SLC11A2: variants seen among roughly 807,000 people sequenced by gnomAD.
SLC11A2 encodes solute carrier family 11 member 2.
Under a neutral mutation model 68.0 loss-of-function variants are expected in SLC11A2, and 38 were observed. The observed-to-expected ratio is 0.56, with a 90% CI of 0.43 to 0.73. The LOEUF is 0.73. SLC11A2 is among the 30% of genes least tolerant of loss of function. The pLI, the probability that SLC11A2 is intolerant of heterozygous loss-of-function variation, is 0.00. For missense variants in SLC11A2, 517 were observed against 690.5 expected, an observed-to-expected ratio of 0.75 and a Z score of 2.82; for synonymous variants, 242 against 250.6, an observed-to-expected ratio of 0.97 and a Z score of 0.32.
At chr12:50,953,489 G>T in the SLC11A2 span, among the ~76,000 whole-genome samples, 2 of 152,214 alleles carry the variant, frequency 1.3e-5, no homozygotes, top group Admixed American at 1.3e-4. Context: ...CACACAGTAG[G>T]TGCTTGGTAA....
At chr12:51,008,784 A>G (rs866703883) in intron 2 of SLC11A2, among the ~76,000 whole-genome samples, 160 bp from the exon 3 acceptor site, 4 of 152,208 alleles carry the variant, frequency 2.6e-5, no homozygotes, top group African/African-American at 7.2e-5. Flanking sequence ...TTTAATGTAC[A>G]TTTTAGAATA....
At chr12:50,960,638 C>T in the SLC11A2 span, among the ~76,000 whole-genome samples, 1 of 152,132 alleles carries the variant, frequency 6.6e-6, no homozygotes, top group African/African-American at 2.4e-5. Flanking sequence ...TTTCATTTAA[C>T]TCTCTAAGCA....
chr12:50,957,937 G>GGTGTGT, the SLC11A2 span, among the ~76,000 whole-genome samples: 11,066 of 132,290 alleles, frequency 0.084, 589 homozygotes, highest in Non-Finnish European at 0.094. Context: ...ATGAATTGGA[G>GGTGTGT]GTGTGTGTGT....
intron 1 of SLC11A2, chr12:51,014,351 A>C (rs1423709098): frequency 6.6e-6 from 1 of 152,210 alleles, no homozygotes; most frequent in Non-Finnish European, 1.5e-5. Flanking sequence ...TTCATGATAA[A>C]ATTTTAAATA....
At chr12:50,990,735 G>C in intron 15 of SLC11A2, 60 bp downstream of exon 15, 3 of 1,568,156 alleles carry the variant, frequency 1.9e-6, no homozygotes, top group Non-Finnish European at 2.6e-6. Context: ...CTGAATGTCA[G>C]TGAACCCCAC....
intron 4 of SLC11A2, 78 bp downstream of exon 4, chr12:51,005,233 T>C (rs1942618739): frequency 3.4e-6 from 5 of 1,491,984 alleles, no homozygotes; most frequent in East Asian, 2.3e-5. Flanking sequence ...GAGGCTACTA[T>C]CCAACATGCA....
upstream of SLC11A2, among the ~76,000 whole-genome samples, chr12:51,027,810 A>T (rs553727003): frequency 2.0e-5 from 3 of 152,018 alleles, no homozygotes; most frequent in Non-Finnish European, 4.4e-5. Flanking sequence ...CTAGGAGAAA[A>T]TTTCATTAGT....
the SLC11A2 span, among the ~76,000 whole-genome samples, chr12:50,972,670 G>A: frequency 5.3e-5 from 8 of 152,250 alleles, no homozygotes; most frequent in East Asian, 5.8e-4. Flanking sequence ...AGAGCACCGA[G>A]CATGAGCCGA....
intron 1 of SLC11A2, among the ~76,000 whole-genome samples, chr12:51,021,142 A>C (rs1944016187): frequency 6.6e-6 from 1 of 152,182 alleles, no homozygotes; most frequent in African/African-American, 2.4e-5. Flanking sequence ...AGGTGATTTT[A>C]AGTACATGGG....
chr12:51,021,057 C>T (rs1248305053), intron 1 of SLC11A2, among the ~76,000 whole-genome samples: 3 of 152,254 alleles, frequency 2.0e-5, no homozygotes, highest in Non-Finnish European at 4.4e-5. Context: ...CACCACTACG[C>T]TCCAGGCTGG....
chr12:50,996,997 A>G, intron 8 of SLC11A2, 25 bp from the exon 9 acceptor site: 1 of 1,608,132 alleles, frequency 6.2e-7, no homozygotes, highest in Non-Finnish European at 8.5e-7. Context: ...AACAATGATT[A>G]GCCTTTACAG....
rs1231176434 is a variant in SLC11A2, at chr12:51,005,748, T to G, written c.184-312A>C. On this transcript the variant is annotated intron_variant, in intron 3 of 15. Transcript: ENST00000262052. ...CCCAAAAAGGACAAGAGCCACCATT[T>G]TAAAAAGGAAACAAGCCAGGTGTGG... is the stretch of plus-strand genomic sequence containing the variant. The G allele has an allele frequency of 4.0e-6, 5 of 1,252,774 alleles. No individual in the cohort carries two copies. In the African/African-American group the frequency reaches 7.7e-5, roughly 19 times the overall value. The allele number at this position is 1,252,774 out of a possible 1,614,324, so 77.6% of individuals were successfully genotyped here.
rs373667895 is a variant in SLC11A2, at chr12:50,999,157, T to C, written c.675+17A>G. On this transcript the variant is annotated intron_variant, in intron 8 of 15. Coordinates refer to ENST00000262052, the MANE Select transcript of SLC11A2 (RefSeq NM_000617.3). ...AAACTTATTTTAAGAAGCTAATGAA[T>C]ATCCTGTACCACTTGCCTCATATCC... 1.3e-6 allele frequency: 2 copies of C among 1,581,252 alleles called. No homozygotes were observed. The highest frequency in any genetic ancestry group is 1.1e-5 in the South Asian group (1 of 90,014).
At chr12:50,974,286 A>T in the SLC11A2 span, among the ~76,000 whole-genome samples, 3 of 152,346 alleles carry the variant, frequency 2.0e-5, no homozygotes, top group East Asian at 3.9e-4. Context: ...CTAACAGCTG[A>T]TCTCTTGGCA....
At chr12:50,974,932 A>C (rs1939829234), downstream of SLC11A2, among the ~76,000 whole-genome samples, 1 of 152,232 alleles carries the variant, frequency 6.6e-6, no homozygotes, top group South Asian at 2.1e-4. Context: ...TTCAACAAGA[A>C]GAGCTAACTA....
chr12:51,015,532 G>A (rs993183780), intron 1 of SLC11A2, among the ~76,000 whole-genome samples: 1 of 151,536 alleles, frequency 6.6e-6, no homozygotes, highest in Non-Finnish European at 1.5e-5. Flanking sequence ...GAATAGAAAG[G>A]GCCAGGCCAG....
At position 50,986,449 on chromosome 12, in the gene SLC11A2, A is replaced by G. The variant is rs149411; in HGVS notation, c.*1876T>C. 723,806 of 1,283,976 alleles carry G rather than the reference A, an allele frequency of 0.56. 208,786 individuals are homozygous for G. The highest frequency in any genetic ancestry group is 0.66 in the Admixed American group (28,615 of 43,446). 79.5% of individuals were successfully genotyped at this position (1,283,976 alleles called of 1,614,324 possible). ...TTTTCTATCATTGCAAGTCATAAAT[A>G]TAACTTTTAAAAGAATACTAGCAGC... is the stretch of plus-strand genomic sequence containing the variant. On this transcript the variant is annotated 3_prime_UTR_variant, in exon 16 of 16. Coordinates refer to ENST00000262052, the MANE Select transcript of SLC11A2 (RefSeq NM_000617.3).
At chr12:51,026,947 C>G (rs1046079843), upstream of SLC11A2, among the ~76,000 whole-genome samples, 12 of 152,138 alleles carry the variant, frequency 7.9e-5, no homozygotes, top group Non-Finnish European at 8.8e-5. Context: ...AGGGCCCAGG[C>G]GGGCGAATCA....
chr12:50,960,686 ATT>A, the SLC11A2 span, among the ~76,000 whole-genome samples: 27,652 of 147,352 alleles, frequency 0.19, 2,879 homozygotes, highest in East Asian at 0.5. Context: ...TAACCCATAC[ATT>A]TTTTTTTTTC....
Sources: allele counts gnomAD v4.1 joint callset (sites outside exome capture counted in the v4.1 genomes callset), GRCh38; gene constraint gnomAD v4.1.1; transcripts MANE v1.5; gene names NCBI Gene and HGNC (gene_info 2026-07-23, HGNC 2026-07-21).